DRC8: variants seen among roughly 807,000 people sequenced by gnomAD.
DRC8 encodes the protein dynein regulatory complex subunit 8, also known as dynein regulatory complex protein 8.
chr1:244,977,069 G>A, the DRC8 span, among the ~76,000 whole-genome samples: 2 of 152,280 alleles, frequency 1.3e-5, no homozygotes, highest in South Asian at 4.1e-4. Context: ...CCACTTACAT[G>A]AGGTACCTAG....
chr1:245,015,771 A>G, the DRC8 span: 2 of 263,218 alleles, frequency 7.6e-6, no homozygotes, highest in Non-Finnish European at 1.5e-5. Flanking sequence ...CACCACCTTC[A>G]CTGCTACCAT....
At chr1:245,122,224 C>G in the DRC8 span, 7 of 202,276 alleles carry the variant, frequency 3.5e-5, no homozygotes, top group Non-Finnish European at 7.0e-5. Flanking sequence ...TCTTGATCTC[C>G]TCTCTGTATC....
the DRC8 span, among the ~76,000 whole-genome samples, chr1:244,971,431 G>T: frequency 6.6e-6 from 1 of 152,186 alleles, no homozygotes; most frequent in African/African-American, 2.4e-5. Flanking sequence ...AAGTGATTAC[G>T]TTTATTTGCA....
chr1:245,100,864 G>T, the DRC8 span, among the ~76,000 whole-genome samples: 3 of 152,020 alleles, frequency 2.0e-5, no homozygotes, highest in Non-Finnish European at 4.4e-5. Flanking sequence ...TGTGAATCTT[G>T]TGATTGGCTA....
chr1:245,111,838 C>A, the DRC8 span, among the ~76,000 whole-genome samples: 2 of 152,052 alleles, frequency 1.3e-5, no homozygotes, highest in Non-Finnish European at 2.9e-5. Flanking sequence ...GAGTTCAAGA[C>A]CAGCCTGGGA....
chr1:244,997,218 G>A, the DRC8 span, among the ~76,000 whole-genome samples: 9 of 151,964 alleles, frequency 5.9e-5, no homozygotes, highest in South Asian at 1.5e-3. Flanking sequence ...ATCCTATCTC[G>A]TTCTTCTACT....
At chr1:244,999,227 GA>G in the DRC8 span, among the ~76,000 whole-genome samples, 155 of 132,464 alleles carry the variant, frequency 1.2e-3, no homozygotes, top group Middle Eastern at 3.8e-3. Flanking sequence ...TAAGCCTCCT[GA>G]AAAAAAAAAA....
chr1:245,044,836 C>T, the DRC8 span, among the ~76,000 whole-genome samples: 3 of 151,986 alleles, frequency 2.0e-5, no homozygotes, highest in South Asian at 2.1e-4. Context: ...TACCTCGGTA[C>T]CCCCTCCCCC....
At chr1:245,008,338 T>A in the DRC8 span, among the ~76,000 whole-genome samples, 1 of 152,152 alleles carries the variant, frequency 6.6e-6, no homozygotes, top group Non-Finnish European at 1.5e-5. Context: ...TGTAAAAAAA[T>A]TTATAAGAAA....
the DRC8 span, among the ~76,000 whole-genome samples, chr1:245,118,839 A>AG: frequency 6.6e-6 from 1 of 150,768 alleles, no homozygotes; most frequent in Non-Finnish European, 1.5e-5. Flanking sequence ...AGAAAAGAAA[A>AG]AAATAATGAT....
At chr1:245,041,549 G>A in the DRC8 span, among the ~76,000 whole-genome samples, 4 of 152,158 alleles carry the variant, frequency 2.6e-5, no homozygotes, top group African/African-American at 9.7e-5. Context: ...GTGGCAGTAA[G>A]TTGTAAGATG....
chr1:245,069,146 A>T, the DRC8 span, among the ~76,000 whole-genome samples: 2 of 152,162 alleles, frequency 1.3e-5, no homozygotes, highest in Admixed American at 1.3e-4. Context: ...GCAGTTGAAA[A>T]TCCAAGTATA....
the DRC8 span, among the ~76,000 whole-genome samples, chr1:245,048,678 T>TTC: frequency 6.6e-6 from 1 of 152,152 alleles, no homozygotes; most frequent in African/African-American, 2.4e-5. Context: ...TCTCCCCCGT[T>TTC]TCTCTCTATA....
chr1:245,001,921 G>A, the DRC8 span, among the ~76,000 whole-genome samples: 1 of 152,130 alleles, frequency 6.6e-6, no homozygotes, highest in Non-Finnish European at 1.5e-5. Context: ...TTCAAGAAAT[G>A]TTCCTTACTG....
the DRC8 span, chr1:244,970,690 C>G: frequency 0.59 from 300,723 of 505,636 alleles, 94,211 homozygotes; most frequent in East Asian, 0.7. Context: ...CCTCTCTCCC[C>G]TCTTCCCTCC....
At chr1:244,977,333 A>C in the DRC8 span, among the ~76,000 whole-genome samples, 2 of 152,258 alleles carry the variant, frequency 1.3e-5, no homozygotes, top group Non-Finnish European at 2.9e-5. Context: ...GAGTACATTC[A>C]GAATGAAAGA....
the DRC8 span, among the ~76,000 whole-genome samples, chr1:245,057,693 T>C: frequency 6.6e-6 from 1 of 152,080 alleles, no homozygotes; most frequent in Non-Finnish European, 1.5e-5. Flanking sequence ...TACATATTTA[T>C]GAGGTCCGTG....
the DRC8 span, among the ~76,000 whole-genome samples, chr1:245,015,990 T>TTTTTTTTA: frequency 4.8e-5 from 7 of 144,608 alleles, no homozygotes; most frequent in Non-Finnish European, 1.1e-4. Context: ...TTTTTTTTTT[T>TTTTTTTTA]GAGATGGAGT....
chr1:245,100,746 C>T, the DRC8 span, among the ~76,000 whole-genome samples: 2 of 151,830 alleles, frequency 1.3e-5, no homozygotes, highest in African/African-American at 4.8e-5. Flanking sequence ...CGGTCTACTG[C>T]ACTCCAGCCT....
Sources: gnomAD v4.1 joint callset for allele counts (sites outside exome capture counted in the v4.1 genomes callset) on GRCh38, gnomAD v4.1.1 for gene constraint, MANE v1.5 for transcripts, NCBI Gene and HGNC (gene_info 2026-07-23, HGNC 2026-07-21) for gene names.